Variants in LAMB4 observed in about 807,000 individuals in gnomAD.
The protein encoded by LAMB4 is laminin subunit beta 4, also known as laminin subunit beta-4.
LAMB4 carries 196 observed loss-of-function variants against 199.2 expected under a neutral mutation model. The observed-to-expected ratio is 0.98, with a 90% confidence interval of 0.88 to 1.11. LAMB4 has a LOEUF of 1.11. Ranked by LOEUF, LAMB4 falls within the 50% of genes least tolerant of loss-of-function variation. The pLI is 0.00. For synonymous variants in LAMB4, 744 were observed against 770.6 expected (o/e 0.97, Z 0.57); for missense variants, 2,080 against 2,171.2 (o/e 0.96, Z 0.83).
chr7:108,016,274 A>ATT, the LAMB4 span, among the ~76,000 whole-genome samples: 1 of 133,384 alleles, frequency 7.5e-6, no homozygotes, highest in African/African-American at 3.1e-5. Context: ...TGCATTTTGG[A>ATT]ATTTTTTTTT....
chr7:108,022,692 A>G (rs555720089), downstream of LAMB4, among the ~76,000 whole-genome samples: 1 of 152,274 alleles, frequency 6.6e-6, no homozygotes, highest in East Asian at 1.9e-4. Flanking sequence ...GTTTCTTTCT[A>G]TTCTTCAGGA....
chr7:108,119,167 G>T (rs1196436220), intron 2 of LAMB4, among the ~76,000 whole-genome samples: 1 of 152,148 alleles, frequency 6.6e-6, no homozygotes, highest in Admixed American at 6.5e-5. Flanking sequence ...TGAAGATCCC[G>T]CATACCCTGC....
chr7:108,105,901 C>T lies in LAMB4; in HGVS notation c.786G>A (p.Arg262=). ...YYYALYEMIV[R]GSCFCNGHAS... is the part of the protein sequence containing the mutation. ...CATGGCCATTGCAAAAGCAGCTTCC[C>T]CGAACAATCATCTCGTACAGAGCAT... Residue 262 remains arginine (R), a synonymous_variant, in exon 8 of 34, where the codon CGG becomes CGA. Transcript: ENST00000388781. 6.2e-7 allele frequency: 1 copy of T among 1,614,222 alleles called. No individual in the cohort carries two copies. The highest frequency in any genetic ancestry group is 8.5e-7 in the Non-Finnish European group (1 of 1,180,044).
intron 23 of LAMB4, among the ~76,000 whole-genome samples, chr7:108,059,057 T>C (rs2036075579): frequency 6.6e-6 from 1 of 151,642 alleles, no homozygotes; most frequent in Non-Finnish European, 1.5e-5. Flanking sequence ...TTGACCCAAT[T>C]GTTGGGCAGT....
chr7:108,076,353 G>T (rs570939857), intron 17 of LAMB4, among the ~76,000 whole-genome samples: 91 of 152,232 alleles, frequency 6.0e-4, no homozygotes, highest in Non-Finnish European at 1.0e-3. Flanking sequence ...GATGTTGGAA[G>T]AAGTCACTCA....
At chr7:108,016,243 G>A in the LAMB4 span, among the ~76,000 whole-genome samples, 2 of 150,418 alleles carry the variant, frequency 1.3e-5, no homozygotes, top group African/African-American at 2.4e-5. Flanking sequence ...GGGGTAGGAC[G>A]AGGGAATTTT....
At chr7:108,037,229 C>T (rs1624720) in intron 30 of LAMB4, among the ~76,000 whole-genome samples, 159 bp downstream of exon 30, 20,818 of 152,000 alleles carry the variant, frequency 0.14, 2,657 homozygotes, top group African/African-American at 0.34. Context: ...CTCAGCTTCC[C>T]GGGGAATCTC....
At chr7:108,071,378 G>A (rs944872601) in intron 17 of LAMB4, among the ~76,000 whole-genome samples, 3 of 152,122 alleles carry the variant, frequency 2.0e-5, no homozygotes, top group African/African-American at 7.2e-5. Context: ...CTTCCTAGGT[G>A]ATCTTGGCCA....
intron 27 of LAMB4, among the ~76,000 whole-genome samples, chr7:108,048,549 G>T (rs902629462): frequency 6.6e-6 from 1 of 152,048 alleles, no homozygotes; most frequent in African/African-American, 2.4e-5. Flanking sequence ...TGGTACATGG[G>T]GGTAACCCAT....
intron 14 of LAMB4, among the ~76,000 whole-genome samples, chr7:108,083,924 G>A (rs1244460300): frequency 6.6e-6 from 1 of 152,142 alleles, no homozygotes; most frequent in East Asian, 1.9e-4. Context: ...ATGGTCTCTT[G>A]GGCTCCTCAT....
intron 28 of LAMB4, among the ~76,000 whole-genome samples, chr7:108,044,718 C>T (rs1265011063): frequency 6.6e-6 from 1 of 151,986 alleles, no homozygotes; most frequent in Non-Finnish European, 1.5e-5. Flanking sequence ...TTTGGGAGGC[C>T]AAGGCAGACA....
intron 4 of LAMB4, among the ~76,000 whole-genome samples, 176 bp downstream of exon 4, chr7:108,111,630 GAAAGT>G (rs1356846745): frequency 2.6e-5 from 4 of 152,156 alleles, no homozygotes; most frequent in African/African-American, 9.7e-5. Flanking sequence ...TCCTGTAAAG[GAAAGT>G]ATTCTTGTTA....
chr7:108,022,799 T>A (rs1295619227), downstream of LAMB4, among the ~76,000 whole-genome samples: 2 of 152,158 alleles, frequency 1.3e-5, no homozygotes, highest in East Asian at 3.8e-4. Context: ...GTTGAATTTT[T>A]AAATCTTTTT....
chr7:108,077,777 T>C (rs1308590735), intron 16 of LAMB4, among the ~76,000 whole-genome samples: 1 of 152,222 alleles, frequency 6.6e-6, no homozygotes, highest in Non-Finnish European at 1.5e-5. Flanking sequence ...CTTCAAAGAC[T>C]CTCATCTATT....
chr7:108,065,827 G>A lies in LAMB4; in HGVS notation c.2771C>T (p.Ala924Val), dbSNP rs1435506980. The part of the protein sequence containing the change: ...PDDPSSNQYF[A>V]HSCYQNLWSS... Reference sequence around the variant, plus strand: ...CCACAGATTCTGATAACAGGAATGGGCAAAATACTGATTGCTTGAGGGATC... The same window carrying A: ...CCACAGATTCTGATAACAGGAATGGACAAAATACTGATTGCTTGAGGGATC... Residue 924 changes from alanine to valine, a missense_variant, in exon 21 of 34, where the codon GCC becomes GTC. By Grantham distance (64) the Ala-to-Val change is moderately conservative (BLOSUM62 0). Transcript: ENST00000388781. The A allele has an allele frequency of 6.2e-7, 1 of 1,613,974 alleles. No homozygotes were observed. The highest frequency in any genetic ancestry group is 8.5e-7 in the Non-Finnish European group (1 of 1,179,868).
intron 14 of LAMB4, among the ~76,000 whole-genome samples, chr7:108,085,622 A>T (rs574912697): frequency 3.4e-4 from 51 of 150,520 alleles, no homozygotes; most frequent in East Asian, 1.2e-3. Context: ...GTATTTATTT[A>T]TTTTTTTTTG....
intron 14 of LAMB4, among the ~76,000 whole-genome samples, chr7:108,087,573 A>G (rs1027861555): frequency 1.3e-5 from 2 of 152,216 alleles, no homozygotes; most frequent in Non-Finnish European, 2.9e-5. Context: ...TTCTGTAGCC[A>G]TGGGAGGCTG....
chr7:108,087,404 A>G (rs1172301747), intron 14 of LAMB4, among the ~76,000 whole-genome samples: 1 of 152,228 alleles, frequency 6.6e-6, no homozygotes, highest in Non-Finnish European at 1.5e-5. Context: ...TGCTTCTCCA[A>G]CATACTCATT....
intron 29 of LAMB4, among the ~76,000 whole-genome samples, chr7:108,038,627 A>G (rs1447639664): frequency 1.3e-5 from 2 of 152,204 alleles, no homozygotes; most frequent in African/African-American, 4.8e-5. Flanking sequence ...CAAATTTGTA[A>G]CCTTTCTTAA....
Sources: allele counts gnomAD v4.1 joint callset (sites outside exome capture counted in the v4.1 genomes callset), GRCh38; gene constraint gnomAD v4.1.1; transcripts MANE v1.5; gene names NCBI Gene and HGNC (gene_info 2026-07-23, HGNC 2026-07-21).